The following UNC80 variants were observed in gnomAD, a reference collection of about 807,000 sequenced individuals.
UNC80 encodes the protein protein unc-80 homolog.
UNC80 carries 164 observed loss-of-function variants against 384.6 expected under a neutral mutation model. The observed-to-expected ratio is 0.43, with a 90% CI of 0.38 to 0.49. The LOEUF (loss-of-function observed/expected upper bound fraction) is 0.49, where lower values mean the gene tolerates loss of function less well. Ranked by LOEUF, UNC80 falls within the 20% of genes least tolerant of loss-of-function variation. The pLI, the probability that UNC80 is intolerant of heterozygous loss-of-function variation, is 0.00. For synonymous variants in UNC80, 1,486 were observed against 1,527.8 expected (o/e 0.97, Z 0.64); for missense variants, 3,330 against 4,143.0 (o/e 0.80, Z 5.39).
At chr2:209,789,021 T>C (rs189319439) in intron 5 of UNC80, among the ~76,000 whole-genome samples, 2 of 152,324 alleles carry the variant, frequency 1.3e-5, no homozygotes. Flanking sequence ...CCTACAGGAT[T>C]CAATACAGTA....
chr2:209,817,711 C>G, intron 10 of UNC80, 101 bp from the exon 11 acceptor site: 1 of 1,382,810 alleles, frequency 7.2e-7, no homozygotes, highest in Non-Finnish European at 9.8e-7. Flanking sequence ...CTTTTCCTAA[C>G]AGCCCCACAC....
rs540625562 is a variant in UNC80, at chr2:209,910,649, C to CTT, written c.4783-1891_4783-1890dup. On this transcript the variant is annotated intron_variant, in intron 29 of 64. Transcript: ENST00000673920. ...ATCAGGGACAAATATAAATGCTCAT[C>CTT]TTTTTTTTTTTTTTTTTTTTTGGTG... 8.2e-3 allele frequency among the ~76,000 whole-genome samples: 855 copies of CTT among 104,234 alleles called. 11 individuals are homozygous for CTT. Among genetic ancestry groups the CTT allele is most frequent in the East Asian group, 0.022 (79 of 3,654 alleles). 68.4% of individuals were successfully genotyped at this position (104,234 alleles called of 152,430 possible).
At chr2:209,927,100 T>A in intron 36 of UNC80, 114 bp downstream of exon 36, 1 of 1,132,796 alleles carries the variant, frequency 8.8e-7, no homozygotes, top group Non-Finnish European at 1.2e-6. Flanking sequence ...AACTGTTTTA[T>A]GCACATATTA....
At chr2:209,911,807 G>T (rs1372484434) in intron 29 of UNC80, among the ~76,000 whole-genome samples, 4 of 152,178 alleles carry the variant, frequency 2.6e-5, no homozygotes, top group African/African-American at 9.7e-5. Flanking sequence ...GCCTTCGTTA[G>T]GTTCAGTCCT....
At chr2:209,836,604 C>G (rs779796758) in intron 18 of UNC80, among the ~76,000 whole-genome samples, 37 of 152,182 alleles carry the variant, frequency 2.4e-4, no homozygotes, top group Non-Finnish European at 5.1e-4. Flanking sequence ...AATATTTCCA[C>G]TTAGAGAGAT....
intron 54 of UNC80, among the ~76,000 whole-genome samples, chr2:209,971,506 A>G (rs1340009159): frequency 6.6e-6 from 1 of 150,628 alleles, no homozygotes; most frequent in East Asian, 2.0e-4. Flanking sequence ...TCTCCTGAGT[A>G]TTTCTGTGTG....
chr2:209,918,849 A>G (rs2089786561), intron 33 of UNC80, among the ~76,000 whole-genome samples, 186 bp downstream of exon 33: 1 of 152,036 alleles, frequency 6.6e-6, no homozygotes, highest in Non-Finnish European at 1.5e-5. Context: ...GCAGATCTCA[A>G]AAAAAAAGTC....
Position 209,872,814 on chromosome 2 carries a change from C to T in UNC80, c.3684C>T (p.His1228=), listed in dbSNP as rs755405535. Residue 1228 remains histidine (H), a synonymous_variant, in exon 23 of 65, where the codon CAC becomes CAT. Coordinates refer to ENST00000673920, the MANE Select transcript of UNC80 (RefSeq NM_001371986.1). The surrounding 1 kb of genome is among the most constrained non-coding windows in gnomAD (Gnocchi z 4.1). ...ALFLECARFV[H]RCNRGNWPEW... The stretch of plus-strand genomic sequence containing the variant: ...TCCTGGAATGTGCTCGTTTTGTTCA[C>T]CGCTGCAACCGTGGCAACTGGCCAG... 1 of 1,551,474 alleles carries T rather than the reference C, an allele frequency of 6.4e-7. No homozygotes were observed.
intron 7 of UNC80, among the ~76,000 whole-genome samples, chr2:209,799,253 C>A (rs575353701): frequency 1.3e-5 from 2 of 152,074 alleles, no homozygotes; most frequent in South Asian, 4.2e-4. Flanking sequence ...TTTCCCTGAG[C>A]AGTGGTTTGT....
At chr2:209,862,053 T>C (rs1045962800) in intron 22 of UNC80, among the ~76,000 whole-genome samples, 2 of 152,354 alleles carry the variant, frequency 1.3e-5, no homozygotes, top group African/African-American at 4.8e-5. Flanking sequence ...TCTCTGATCT[T>C]ACTTATTGCT....
At position 209,936,948 on chromosome 2, in the gene UNC80, G is replaced by A. The variant is rs2124973335; in HGVS notation, c.6363+15G>A. On this transcript the variant is annotated intron_variant, in intron 41 of 64. Coordinates refer to ENST00000673920, the MANE Select transcript of UNC80 (RefSeq NM_001371986.1). Reference sequence around the variant, plus strand: ...ACTACAATAAGGTGAGACACCAGTAGTGACATCCCCGTTGAGTTGTGCCAA... The same window carrying A: ...ACTACAATAAGGTGAGACACCAGTAATGACATCCCCGTTGAGTTGTGCCAA... The A allele has an allele frequency of 6.6e-7, 1 of 1,507,358 alleles. No homozygotes were observed. Among genetic ancestry groups the A allele is most frequent in the Non-Finnish European group, 9.0e-7 (1 of 1,106,786 alleles). The allele number at this position is 1,507,358 out of a possible 1,614,324, so 93.4% of individuals were successfully genotyped here.
chr2:209,777,613 G>A lies in UNC80; in HGVS notation c.600+54G>A, dbSNP rs1245234595. ...AGTGGGTGGAGATGTGGTGAGGGTA[G>A]ACTTCAAATGATATTTCCATATTTG... On this transcript the variant is annotated intron_variant, in intron 4 of 64. Coordinates refer to ENST00000673920, the MANE Select transcript of UNC80 (RefSeq NM_001371986.1). The A allele has an allele frequency of 1.2e-5, 18 of 1,514,500 alleles. No homozygotes were observed. The Middle Eastern group carries it at 9.6e-4, about 81-fold the overall frequency. 93.8% of individuals were successfully genotyped at this position (1,514,500 alleles called of 1,614,324 possible). A position where few individuals can be genotyped will look rare whatever the true frequency, so the allele number is the denominator to read the frequency against.
chr2:209,899,212 A>C (rs1175774050), intron 28 of UNC80, among the ~76,000 whole-genome samples: 2 of 152,184 alleles, frequency 1.3e-5, no homozygotes, highest in African/African-American at 4.8e-5. Flanking sequence ...TATAAAAAAA[A>C]TTATAGAGGT....
In UNC80 at chr2:209,912,744, T is replaced by G. The variant is rs117439988; in HGVS notation, c.4890+77T>G. The G allele has an allele frequency of 7.6e-4, 765 of 1,001,332 alleles. 12 individuals are homozygous for G. In the East Asian group the frequency reaches 0.019, roughly 25 times the overall value. 62.0% of individuals were successfully genotyped at this position (1,001,332 alleles called of 1,614,324 possible). A position where few individuals can be genotyped will look rare whatever the true frequency, so the allele number is the denominator to read the frequency against. ...CTCCAGACAGCCTATTTACTAATGT[T>G]TGGGACATACAACATCAGTTGGTAC... On this transcript the variant is annotated intron_variant, in intron 30 of 64. Transcript: ENST00000673920.
chr2:209,841,666 A>T (rs2081763803), intron 20 of UNC80, among the ~76,000 whole-genome samples: 1 of 152,090 alleles, frequency 6.6e-6, no homozygotes, highest in Admixed American at 6.6e-5. Context: ...GTTTTCTTTT[A>T]TCTAGTCTGT....
chr2:209,920,200 CTCTACCTT>C (rs1279442670), intron 33 of UNC80, among the ~76,000 whole-genome samples: 2 of 152,122 alleles, frequency 1.3e-5, no homozygotes, highest in East Asian at 3.9e-4. Context: ...TTAATTGCTA[CTCTACCTT>C]TCAACATAGG....
In UNC80 at chr2:209,994,127, G is replaced by A; in HGVS notation, c.9571G>A (p.Asp3191Asn). 2 of 1,551,668 alleles carry A rather than the reference G, an allele frequency of 1.3e-6. No homozygotes were observed. The highest frequency in any genetic ancestry group is 1.7e-6 in the Non-Finnish European group (2 of 1,146,982). Residue 3191 changes from aspartate (D) to asparagine (N), a missense_variant, in exon 64 of 65, where the codon GAT (aspartate) becomes AAT (asparagine). Physicochemically the swap from Asp to Asn is conservative, Grantham distance 23 (BLOSUM62 1). This residue lies in a region of UNC80 where 236 missense variants were observed against 254.9 expected (regional missense o/e 0.93). Coordinates refer to ENST00000673920, the MANE Select transcript of UNC80 (RefSeq NM_001371986.1). ...GCCAGAGCCAGCAGCTGCCCCAACA[G>A]ATGCGCTTCCTGCAACAGGCCAACT... Reference protein sequence around the residue: ...AQPEPAAAPTDALPATGQLQG... With the variant: ...AQPEPAAAPTNALPATGQLQG...
At chr2:209,935,852 A>G in intron 40 of UNC80, 44 bp downstream of exon 40, 1 of 1,169,146 alleles carries the variant, frequency 8.6e-7, no homozygotes, top group Non-Finnish European at 1.2e-6. Context: ...GGACAATGCT[A>G]TGGCCACCTC....
chr2:209,999,228 TTA>T lies in UNC80; in HGVS notation c.*3635_*3636del, dbSNP rs1553631929. 2.2e-4 allele frequency: 34 copies of T among 152,226 alleles called. No homozygotes were observed. The highest frequency in any genetic ancestry group is 3.5e-4 in the Non-Finnish European group (24 of 68,034). The allele number at this position is 152,226 out of a possible 1,614,324, so 9.4% of individuals were successfully genotyped here. ...ATACTGAAATGTTTATGAAAGATAT[TTA>T]TGAAAGATATTAAGACTTCTGTGTT... On this transcript the variant is annotated 3_prime_UTR_variant, in exon 65 of 65. Coordinates refer to ENST00000673920, the MANE Select transcript of UNC80 (RefSeq NM_001371986.1).
Sources: allele counts gnomAD v4.1 joint callset (sites outside exome capture counted in the v4.1 genomes callset), GRCh38; gene constraint gnomAD v4.1.1; regional missense constraint gnomAD v4.1.1; non-coding constraint Gnocchi (gnomAD v3.1); transcripts MANE v1.5; gene names NCBI Gene and HGNC (gene_info 2026-07-23, HGNC 2026-07-21).